Variants in DGKB observed in about 807,000 individuals in gnomAD.
DGKB encodes the protein 90 kDa diacylglycerol kinase.
In DGKB, 67 loss-of-function variants were observed where a neutral mutation model predicts 114.3. That is an observed-to-expected ratio of 0.59 (90% CI 0.48 to 0.72). The LOEUF is 0.72. Among genes scored for constraint, DGKB ranks in the 30% least tolerant of loss-of-function variants. The pLI, the probability that DGKB is intolerant of heterozygous loss-of-function variation, is 0.00. For synonymous variants in DGKB, 398 were observed against 323.1 expected, an observed-to-expected ratio of 1.23 and a Z score of -2.49; for missense variants, 907 against 975.2, an observed-to-expected ratio of 0.93 and a Z score of 0.93.
At position 14,919,095 on chromosome 7, in the gene DGKB, A is replaced by AAAC. The variant is rs1784392701; in HGVS notation, c.-188+55600_-188+55601insGTT. ...ACACACACACACACACACACACACAAACACACACACACACACACACACACA... is the reference window on the plus strand; with the variant it reads ...ACACACACACACACACACACACACAAAACACACACACACACACACACACACACA... On this transcript the variant is annotated intron_variant, in intron 1 of 4. Transcript: ENST00000437998. 2.3e-3 allele frequency among the ~76,000 whole-genome samples: 266 copies of AAAC among 114,950 alleles called. 1 individual carries two copies. In the East Asian group the frequency reaches 0.025, roughly 11 times the overall value. The allele number at this position is 114,950 out of a possible 152,430, so 75.4% of individuals were successfully genotyped here.
intron 6 of DGKB, among the ~76,000 whole-genome samples, 172 bp from the exon 7 acceptor site, chr7:14,701,902 T>C (rs1483799215): frequency 8.2e-6 from 1 of 122,288 alleles, no homozygotes; most frequent in Non-Finnish European, 1.9e-5. Flanking sequence ...AATGAATTAA[T>C]TAGTTAATAG....
intron 20 of DGKB, among the ~76,000 whole-genome samples, chr7:14,563,275 C>G (rs925944117): frequency 1.3e-5 from 2 of 152,116 alleles, no homozygotes; most frequent in South Asian, 4.1e-4. Context: ...GGCATGAGAA[C>G]AGAGTAATTC....
intron 20 of DGKB, among the ~76,000 whole-genome samples, chr7:14,546,510 C>A (rs1794307508): frequency 6.6e-6 from 1 of 152,266 alleles, no homozygotes; most frequent in East Asian, 1.9e-4. Flanking sequence ...TTCAGCAGGG[C>A]CTCCTCACAA....
intron 25 of DGKB, among the ~76,000 whole-genome samples, chr7:14,150,798 G>A (rs1282925388): frequency 2.6e-5 from 4 of 152,032 alleles, no homozygotes; most frequent in African/African-American, 9.7e-5. Flanking sequence ...ATGTCATTGA[G>A]ATTTAAACTC....
In DGKB at chr7:14,532,203, A is replaced by G. The variant is rs73287743; in HGVS notation, c.1770+42009T>C. 2.2e-3 allele frequency among the ~76,000 whole-genome samples: 326 copies of G among 151,126 alleles called. 1 individual carries two copies. Among genetic ancestry groups the G allele is most frequent in the African/African-American group, 7.2e-3 (297 of 41,410 alleles). ...AGAATAGCTCAGAAAAATAAATTAA[A>G]CTTCACAAGGAACAACAAGAAACCT... On this transcript the variant is annotated intron_variant, in intron 20 of 25. Coordinates refer to ENST00000402815, the MANE Select transcript of DGKB (RefSeq NM_001350709.2).
intron 15 of DGKB, chr7:14,621,094 TAA>T (rs1807553266): frequency 7.2e-6 from 2 of 276,876 alleles, no homozygotes; most frequent in Admixed American, 5.2e-5. Flanking sequence ...ATGTATTTAA[TAA>T]GTGTGTATAT....
intron 1 of DGKB, among the ~76,000 whole-genome samples, chr7:14,943,017 A>G (rs993410356): frequency 2.6e-5 from 4 of 151,988 alleles, no homozygotes; most frequent in Non-Finnish European, 5.9e-5. Context: ...CATACGTAGA[A>G]TAATTAAATG....
At chr7:14,547,489 T>C (rs1794470148) in intron 20 of DGKB, among the ~76,000 whole-genome samples, 1 of 152,174 alleles carries the variant, frequency 6.6e-6, no homozygotes, top group Admixed American at 6.5e-5. Flanking sequence ...ACCTTACATA[T>C]ATAATGAATA....
chr7:14,600,329 C>A (rs1210373668), intron 17 of DGKB, among the ~76,000 whole-genome samples: 1 of 152,162 alleles, frequency 6.6e-6, no homozygotes, highest in African/African-American at 2.4e-5. Context: ...GATTAAGGTT[C>A]AATATAAATT....
chr7:14,321,562 T>C (rs1219919449), intron 23 of DGKB, among the ~76,000 whole-genome samples: 1 of 146,736 alleles, frequency 6.8e-6, no homozygotes, highest in Non-Finnish European at 1.5e-5. Context: ...TTTCACCCCA[T>C]GTATTCAGCC....
chr7:14,701,560 T>C (rs1304388964), intron 7 of DGKB, 121 bp downstream of exon 7: 7 of 695,312 alleles, frequency 1.0e-5, no homozygotes, highest in Non-Finnish European at 1.8e-5. Flanking sequence ...AAAAATGCCA[T>C]ATGAGTGGAT....
intron 13 of DGKB, among the ~76,000 whole-genome samples, chr7:14,648,691 T>A (rs1181958903): frequency 1.3e-5 from 2 of 151,396 alleles, no homozygotes; most frequent in Admixed American, 6.6e-5. Context: ...TCGATCAAAT[T>A]ACTCTGAGCT....
At chr7:14,671,544 T>G (rs1254663718) in intron 13 of DGKB, among the ~76,000 whole-genome samples, 2 of 152,188 alleles carry the variant, frequency 1.3e-5, no homozygotes, top group African/African-American at 4.8e-5. Flanking sequence ...TCTTTACATT[T>G]GATTCTCTCA....
intron 20 of DGKB, among the ~76,000 whole-genome samples, chr7:14,528,962 T>G (rs757273854): frequency 1.1e-4 from 16 of 152,020 alleles, no homozygotes; most frequent in Admixed American, 4.6e-4. Flanking sequence ...TTTGGTCTAC[T>G]GCACTGGGAT....
At chr7:14,352,962 A>C (rs1813755885) in intron 21 of DGKB, among the ~76,000 whole-genome samples, 1 of 152,088 alleles carries the variant, frequency 6.6e-6, no homozygotes, top group African/African-American at 2.4e-5. Context: ...AAAAAAAATA[A>C]ATGTTTCATA....
At chr7:14,751,417 G>T (rs1019960726) in intron 4 of DGKB, among the ~76,000 whole-genome samples, 1 of 152,140 alleles carries the variant, frequency 6.6e-6, no homozygotes, top group African/African-American at 2.4e-5. Context: ...ATTTATGCTT[G>T]ATTTCAAAAC....
intron 20 of DGKB, among the ~76,000 whole-genome samples, chr7:14,489,426 T>C (rs1032899923): frequency 6.6e-6 from 1 of 152,182 alleles, no homozygotes; most frequent in Non-Finnish European, 1.5e-5. Flanking sequence ...AATCAAGATA[T>C]CTTTCTCAGT....
intron 9 of DGKB, among the ~76,000 whole-genome samples, chr7:14,689,446 C>A (rs1275126288): frequency 6.6e-6 from 1 of 152,106 alleles, no homozygotes; most frequent in African/African-American, 2.4e-5. Flanking sequence ...GCTGGGATTA[C>A]AGGCGTGAGC....
chr7:14,596,018 A>T (rs1802516524), intron 17 of DGKB, among the ~76,000 whole-genome samples: 2 of 152,082 alleles, frequency 1.3e-5, no homozygotes. Context: ...TGAATTCATG[A>T]TATACATTAA....
Sources: allele counts gnomAD v4.1 joint callset (sites outside exome capture counted in the v4.1 genomes callset), GRCh38; gene constraint gnomAD v4.1.1; transcripts MANE v1.5; gene names NCBI Gene and HGNC (gene_info 2026-07-23, HGNC 2026-07-21).